Variants in HEATR5B observed in about 807,000 individuals in gnomAD.
HEATR5B encodes HEAT repeat containing 5B, also known as HEAT repeat-containing protein 5B.
HEATR5B carries 156 observed loss-of-function variants against 224.1 expected under a neutral mutation model. The ratio of observed to expected loss-of-function variants is 0.70; its 90% CI spans 0.61 to 0.80. The LOEUF (loss-of-function observed/expected upper bound fraction) is 0.80. Among genes scored for constraint, HEATR5B ranks in the 30% least tolerant of loss-of-function variants. The pLI is 0.00. For missense variants in HEATR5B, 2,323 were observed against 2,535.5 expected, an observed-to-expected ratio of 0.92 and a Z score of 1.80; for synonymous variants, 1,027 against 893.0, an observed-to-expected ratio of 1.15 and a Z score of -2.68.
chr2:37,074,937 G>A (rs1280077611), intron 5 of HEATR5B, among the ~76,000 whole-genome samples: 1 of 152,204 alleles, frequency 6.6e-6, no homozygotes, highest in East Asian at 1.9e-4. Context: ...ATGATATGAA[G>A]GAAGAGAAAT....
intron 30 of HEATR5B, among the ~76,000 whole-genome samples, chr2:37,004,721 C>CTGT (rs538231363): frequency 3.3e-5 from 5 of 152,164 alleles, no homozygotes; most frequent in Non-Finnish European, 7.3e-5. Flanking sequence ...TTTGATAACT[C>CTGT]TGTTCTCTTT....
intron 18 of HEATR5B, among the ~76,000 whole-genome samples, chr2:37,045,229 C>T (rs188177319): frequency 4.7e-4 from 71 of 151,378 alleles, no homozygotes; most frequent in African/African-American, 1.7e-3. Context: ...GATGTTTTCT[C>T]CAAGTAAGAG....
intron 3 of HEATR5B, among the ~76,000 whole-genome samples, chr2:37,077,590 G>C (rs374451340): frequency 9.2e-5 from 14 of 152,376 alleles, no homozygotes; most frequent in East Asian, 5.8e-4. Context: ...TTACAGGCGT[G>C]AGCCACAGCG....
intron 14 of HEATR5B, among the ~76,000 whole-genome samples, chr2:37,057,717 T>C (rs1014862099): frequency 1.3e-5 from 2 of 152,012 alleles, no homozygotes; most frequent in Non-Finnish European, 2.9e-5. Flanking sequence ...AAAACTCAAA[T>C]AGAGGAAAGA....
At chr2:37,056,648 T>C in intron 15 of HEATR5B, 33 bp from the exon 16 acceptor site, 1 of 1,548,436 alleles carries the variant, frequency 6.5e-7, no homozygotes, top group Non-Finnish European at 8.8e-7. Context: ...TTATTCAAAA[T>C]CTACTTTAGG....
At position 36,988,754 on chromosome 2, in the gene HEATR5B, G is replaced by A; in HGVS notation, c.5803C>T (p.Leu1935=). 6.2e-7 allele frequency: 1 copy of A among 1,613,982 alleles called. No individual in the cohort carries two copies. Among genetic ancestry groups the A allele is most frequent in the South Asian group, 1.1e-5 (1 of 91,066 alleles). ...GGTCTGTTTCTTTCAACAGCTTTTAGCTTTTCAACCACTATTGGAGCTAAT... is the reference window on the plus strand; with the variant it reads ...GGTCTGTTTCTTTCAACAGCTTTTAACTTTTCAACCACTATTGGAGCTAAT... ...HSLAPIVVEK[L]KAVERNRPAS... is the part of the protein sequence containing the mutation. Residue 1935 remains leucine, a synonymous_variant, in exon 35 of 36, where the codon CTA becomes TTA. Transcript: ENST00000233099.
At chr2:37,003,015 T>C (rs892681205) in intron 31 of HEATR5B, among the ~76,000 whole-genome samples, 3 of 151,932 alleles carry the variant, frequency 2.0e-5, no homozygotes, top group Non-Finnish European at 4.4e-5. Flanking sequence ...TCTCAGCACT[T>C]TGGGATGCTG....
chr2:37,055,067 A>G (rs1282535487), intron 16 of HEATR5B: 3 of 397,362 alleles, frequency 7.5e-6, no homozygotes, highest in Non-Finnish European at 1.6e-5. Flanking sequence ...AAAATTCTTA[A>G]AAGTAAGTAA....
chr2:37,065,138 T>C (rs1048511888), intron 9 of HEATR5B, 148 bp from the exon 10 acceptor site: 2 of 672,590 alleles, frequency 3.0e-6, no homozygotes, highest in Non-Finnish European at 2.5e-6. Flanking sequence ...CTACATACAG[T>C]AGAGTACTTC....
intron 26 of HEATR5B, 151 bp downstream of exon 26, chr2:37,019,658 T>C (rs1042503560): frequency 6.9e-6 from 4 of 576,818 alleles, no homozygotes; most frequent in Admixed American, 6.3e-5. Flanking sequence ...GGTTTCCCCA[T>C]GTTGGCCAGG....
chr2:37,083,581 A>C, intron 1 of HEATR5B, 145 bp from the exon 2 acceptor site: 1 of 610,094 alleles, frequency 1.6e-6, no homozygotes, highest in Non-Finnish European at 2.8e-6. Context: ...ACCTGAGAAC[A>C]TACTTTTAAA....
intron 35 of HEATR5B, 37 bp from the exon 36 acceptor site, chr2:36,981,831 T>C (rs1430918018): frequency 1.2e-5 from 18 of 1,470,088 alleles, no homozygotes; most frequent in Non-Finnish European, 1.7e-5. Flanking sequence ...ATCACAAACA[T>C]AAGGATTATA....
rs752441173 is a variant in HEATR5B at position 37,040,410 on chromosome 2, G to T, written c.2965C>A (p.Pro989Thr). ...TGATGAACTTCTGTATGTGAAGGCG[G>T]AACTGTCAACAGCAAGGTAAGAACT... is the stretch of plus-strand genomic sequence containing the variant. The part of the protein sequence containing the change: ...SLVLTLLLTV[P>T]PSHTEVHQCL... The change falls in exon 20 of 36, where the codon CCG (proline) becomes ACG (threonine). Residue 989 changes from proline (P) to threonine (T), a missense_variant. By Grantham distance (38) the Pro-to-Thr change is conservative. This residue lies in a region of HEATR5B where 22 missense variants were observed against 46.9 expected (regional missense o/e 0.47). Coordinates refer to ENST00000233099, the MANE Select transcript of HEATR5B (RefSeq NM_019024.3). 1.9e-6 allele frequency: 3 copies of T among 1,613,836 alleles called. No homozygotes were observed. In the East Asian group the frequency reaches 6.7e-5, roughly 36 times the overall value.
intron 23 of HEATR5B, 96 bp downstream of exon 23, chr2:37,028,585 T>G (rs1668926202): frequency 1.1e-6 from 1 of 899,356 alleles, no homozygotes; most frequent in Non-Finnish European, 1.6e-6. Flanking sequence ...ATAAAACCTA[T>G]AATTTACATG....
Position 36,990,671 on chromosome 2 carries a change from C to A in HEATR5B, c.5674G>T (p.Ala1892Ser). The A allele has an allele frequency of 2.5e-6, 4 of 1,593,950 alleles. No individual in the cohort carries two copies. The highest frequency in any genetic ancestry group is 3.4e-6 in the Non-Finnish European group (4 of 1,170,430). Reference sequence around the variant, plus strand: ...ACCCATGGGTCGCATGAATTTAATGCATTTTTAAATCTGTTCATGCAGCCA... The same window carrying A: ...ACCCATGGGTCGCATGAATTTAATGAATTTTTAAATCTGTTCATGCAGCCA... Reference protein sequence around the residue: ...QNGCMNRFKNALNSCDPWVQA... With the variant: ...QNGCMNRFKNSLNSCDPWVQA... Residue 1892 changes from alanine to serine, a missense_variant, in exon 34 of 36, where the codon GCA (alanine) becomes TCA (serine). By Grantham distance (99) the Ala-to-Ser change is moderately conservative (BLOSUM62 1). This residue lies in a region of HEATR5B where 844 missense variants were observed against 812.9 expected (regional missense o/e 1.04). Transcript: ENST00000233099.
At chr2:36,986,703 C>T (rs1362887018) in intron 35 of HEATR5B, among the ~76,000 whole-genome samples, 3 of 152,114 alleles carry the variant, frequency 2.0e-5, no homozygotes, top group Non-Finnish European at 4.4e-5. Flanking sequence ...CTGCAACCTC[C>T]GCCTCCCGGG....
At chr2:37,050,768 C>A (rs1474974356) in intron 17 of HEATR5B, among the ~76,000 whole-genome samples, 1 of 152,170 alleles carries the variant, frequency 6.6e-6, no homozygotes, top group African/African-American at 2.4e-5. Flanking sequence ...AGGCGAGGCG[C>A]GGTGGCCTAG....
intron 9 of HEATR5B, among the ~76,000 whole-genome samples, chr2:37,065,194 T>C (rs1044608155): frequency 6.6e-6 from 1 of 152,210 alleles, no homozygotes; most frequent in African/African-American, 2.4e-5. Flanking sequence ...ATATTCAATA[T>C]TGATGTAAAA....
Position 37,005,652 on chromosome 2 carries a change from C to T in HEATR5B, c.4885G>A (p.Val1629Ile), listed in dbSNP as rs267599365. 6.2e-7 allele frequency: 1 copy of T among 1,613,782 alleles called. No individual in the cohort carries two copies. Among genetic ancestry groups the T allele is most frequent in the South Asian group, 1.1e-5 (1 of 91,080 alleles). The stretch of plus-strand genomic sequence containing the variant: ...TGTACCTGATCTTCTGCAATATGGA[C>T]TCGAGCATAAGGGGAGTCTAGCAAG... ...HTLLDSPYARVHIAEDQLIGV... is the reference protein window; with the variant it reads ...HTLLDSPYARIHIAEDQLIGV... The change falls in exon 30 of 36, where the codon GTC becomes ATC. Residue 1629 changes from valine to isoleucine, a missense_variant. By Grantham distance (29) the Val-to-Ile change is conservative. This residue lies in a region of HEATR5B where 844 missense variants were observed against 812.9 expected (regional missense o/e 1.04). Coordinates refer to ENST00000233099, the MANE Select transcript of HEATR5B (RefSeq NM_019024.3).
Sources: allele counts gnomAD v4.1 joint callset (sites outside exome capture counted in the v4.1 genomes callset), GRCh38; gene constraint gnomAD v4.1.1; regional missense constraint gnomAD v4.1.1; transcripts MANE v1.5; gene names NCBI Gene and HGNC (gene_info 2026-07-23, HGNC 2026-07-21).